The following HMCN1 variants were observed in gnomAD, a reference collection of about 807,000 sequenced individuals.
HMCN1 encodes the protein hemicentin 1.
HMCN1 carries 321 observed loss-of-function variants against 625.9 expected under a neutral mutation model. That is an observed-to-expected ratio of 0.51 (90% CI 0.47 to 0.56). HMCN1 has a LOEUF of 0.56. HMCN1 is among the 20% of genes least tolerant of loss of function. The probability of loss-of-function intolerance (pLI) is 0.00; values close to 1 mark genes in which losing one functional copy is unlikely to be tolerated. For synonymous variants in HMCN1, 2,425 were observed against 2,417.6 expected, an observed-to-expected ratio of 1.00 and a Z score of -0.09; for missense variants, 6,588 against 6,887.3, an observed-to-expected ratio of 0.96 and a Z score of 1.54.
chr1:185,835,411 C>A (rs913661429), intron 1 of HMCN1, among the ~76,000 whole-genome samples: 4 of 151,398 alleles, frequency 2.6e-5, no homozygotes, highest in African/African-American at 4.9e-5. Flanking sequence ...CTTCAATTGC[C>A]GCAGTGCATT....
chr1:185,834,564 G>C (rs1045139804), intron 1 of HMCN1, among the ~76,000 whole-genome samples: 6 of 152,092 alleles, frequency 3.9e-5, no homozygotes, highest in African/African-American at 1.2e-4. Context: ...AGCAAGAGAG[G>C]GTATGCAAGA....
At chr1:185,895,550 A>G (rs1665436066) in intron 4 of HMCN1, among the ~76,000 whole-genome samples, 1 of 152,242 alleles carries the variant, frequency 6.6e-6, no homozygotes, top group African/African-American at 2.4e-5. Context: ...AATTACAATA[A>G]TAATTAATTA....
chr1:186,087,156 TA>T, intron 58 of HMCN1, 60 bp from the exon 59 acceptor site: 1 of 1,025,618 alleles, frequency 9.8e-7, no homozygotes, highest in Non-Finnish European at 1.6e-6. Context: ...ATCTGATTGG[TA>T]AAATAGTTGT....
rs1409704946 is a variant in HMCN1 at position 186,067,905 on chromosome 1, A to G, written c.7777A>G (p.Thr2593Ala). 1 of 1,612,838 alleles carries G rather than the reference A, an allele frequency of 6.2e-7. No homozygotes were observed. Among genetic ancestry groups the G allele is most frequent in the Admixed American group, 1.7e-5 (1 of 59,990 alleles). Reference sequence around the variant, plus strand: ...TGTCACTGTCATCCTTAACAGCCCTACATCTTTGGTCTGTGAAGCTTATTC... The same window carrying G: ...TGTCACTGTCATCCTTAACAGCCCTGCATCTTTGGTCTGTGAAGCTTATTC... ...EDVTVILNSP[T>A]SLVCEAYSYP... Residue 2593 changes from threonine (T) to alanine (A), a missense_variant, in exon 50 of 107, where the codon ACA becomes GCA. Around this residue, in one of 3 missense-constraint regions of HMCN1, gnomAD observed 4,628 missense variants for 4,853.1 expected, o/e 0.95. Transcript: ENST00000271588.
At chr1:185,770,030 G>A (rs1656131862) in intron 1 of HMCN1, among the ~76,000 whole-genome samples, 2 of 152,126 alleles carry the variant, frequency 1.3e-5, no homozygotes, top group Admixed American at 1.3e-4. Context: ...TTGATAGGAG[G>A]CAAAGTTACA....
At chr1:185,888,310 T>G (rs1428657647) in intron 4 of HMCN1, among the ~76,000 whole-genome samples, 39 of 138,256 alleles carry the variant, frequency 2.8e-4, no homozygotes, top group Admixed American at 2.3e-3. Context: ...CTCTTTAGTT[T>G]AATTAGATCC....
chr1:186,106,708 A>G (rs759835343), intron 69 of HMCN1, among the ~76,000 whole-genome samples, 176 bp from the exon 70 acceptor site: 1 of 152,232 alleles, frequency 6.6e-6, no homozygotes, highest in Non-Finnish European at 1.5e-5. Context: ...AGGTTTGCAT[A>G]TAATGTAGAT....
intron 100 of HMCN1, among the ~76,000 whole-genome samples, chr1:186,170,305 T>C (rs1301186021): frequency 1.3e-5 from 2 of 152,196 alleles, no homozygotes; most frequent in African/African-American, 4.8e-5. Flanking sequence ...CAGCAATTAA[T>C]TCTATCAAGT....
chr1:185,982,651 G>C (rs1425898275), intron 18 of HMCN1, among the ~76,000 whole-genome samples: 2 of 151,802 alleles, frequency 1.3e-5, no homozygotes, highest in East Asian at 3.9e-4. Context: ...ACGTTTGCCA[G>C]GCTGGTCTCA....
At chr1:185,977,528 A>G (rs1411739134) in intron 15 of HMCN1, among the ~76,000 whole-genome samples, 1 of 152,186 alleles carries the variant, frequency 6.6e-6, no homozygotes, top group Non-Finnish European at 1.5e-5. Context: ...TAAGGTTATT[A>G]TAATTTGAAG....
rs1026802522 is a variant in HMCN1 at position 186,185,390 on chromosome 1, A to G, written c.16415-2493A>G. ...GAAGGCTTTTCAAGTCACTGAGACA[A>G]TCTTATTTTGTCAAGGAGATTAAGC... On this transcript the variant is annotated intron_variant, in intron 105 of 106. Coordinates refer to ENST00000271588, the MANE Select transcript of HMCN1 (RefSeq NM_031935.3). 4.5e-4 allele frequency among the ~76,000 whole-genome samples: 69 copies of G among 152,332 alleles called. 1 individual carries two copies. The highest frequency in any genetic ancestry group is 1.7e-3 in the African/African-American group (69 of 41,586).
At chr1:185,735,988 T>C (rs991072380) in intron 1 of HMCN1, among the ~76,000 whole-genome samples, 2 of 152,194 alleles carry the variant, frequency 1.3e-5, no homozygotes, top group African/African-American at 4.8e-5. Context: ...CCCACACTTT[T>C]CCTGCTTTTG....
rs755098975 is a variant in HMCN1, at chr1:185,990,261, T to C, written c.3209-14T>C. 7 of 1,611,650 alleles carry C rather than the reference T, an allele frequency of 4.3e-6. No individual in the cohort carries two copies. In the African/African-American group the frequency reaches 8.0e-5, roughly 18 times the overall value. ...AATATACTGTTTCCCTTCCAAAACA[T>C]GTGTTTATTTTAGTAAGGCCCAGAG... On this transcript the variant is annotated splice_polypyrimidine_tract_variant and intron_variant, in intron 21 of 106. Transcript: ENST00000271588.
At chr1:185,817,364 G>T (rs74530803) in intron 1 of HMCN1, among the ~76,000 whole-genome samples, 5,647 of 152,142 alleles carry the variant, frequency 0.037, 317 homozygotes, top group African/African-American at 0.13. Flanking sequence ...CCAGGTTGAT[G>T]GGACAGTTGG....
chr1:185,804,549 G>A (rs185220744), intron 1 of HMCN1, among the ~76,000 whole-genome samples: 1 of 152,042 alleles, frequency 6.6e-6, no homozygotes, highest in Non-Finnish European at 1.5e-5. Flanking sequence ...AAGTCTTTAT[G>A]AATTTTTTTA....
intron 11 of HMCN1, among the ~76,000 whole-genome samples, chr1:185,941,714 G>A (rs1298271496): frequency 6.6e-6 from 1 of 152,138 alleles, no homozygotes; most frequent in Non-Finnish European, 1.5e-5. Context: ...ATATATGAAT[G>A]AATATCATGT....
intron 4 of HMCN1, among the ~76,000 whole-genome samples, chr1:185,888,780 T>G (rs919085787): frequency 6.9e-6 from 1 of 145,146 alleles, no homozygotes; most frequent in African/African-American, 2.8e-5. Flanking sequence ...TAGGATTGAC[T>G]TGGCGATGCG....
At chr1:185,859,761 G>T (rs1239263492) in intron 2 of HMCN1, among the ~76,000 whole-genome samples, 1 of 152,092 alleles carries the variant, frequency 6.6e-6, no homozygotes, top group Non-Finnish European at 1.5e-5. Context: ...CGCCTCCTGG[G>T]TTCAAGCAAT....
At chr1:185,911,501 C>T (rs1378652362) in intron 5 of HMCN1, among the ~76,000 whole-genome samples, 173 bp from the exon 6 acceptor site, 2 of 151,992 alleles carry the variant, frequency 1.3e-5, no homozygotes, top group Non-Finnish European at 2.9e-5. Context: ...TTATTTTAGC[C>T]ACAGAACAGA....
Sources: allele counts gnomAD v4.1 joint callset (sites outside exome capture counted in the v4.1 genomes callset), GRCh38; gene constraint gnomAD v4.1.1; regional missense constraint gnomAD v4.1.1; transcripts MANE v1.5; gene names NCBI Gene and HGNC (gene_info 2026-07-23, HGNC 2026-07-21).